DPF3: variants seen among roughly 807,000 people sequenced by gnomAD.
DPF3 encodes zinc finger protein DPF3.
In DPF3, 18 loss-of-function variants were observed where a neutral mutation model predicts 56.8. The ratio of observed to expected loss-of-function variants is 0.32; its 90% confidence interval spans 0.22 to 0.47. DPF3 has a LOEUF of 0.47. DPF3 is among the 20% of genes least tolerant of loss of function. The probability of loss-of-function intolerance (pLI) is 1.00; values close to 1 mark genes in which losing one functional copy is unlikely to be tolerated. For synonymous variants in DPF3, 188 were observed against 180.2 expected, an observed-to-expected ratio of 1.04 and a Z score of -0.35; for missense variants, 403 against 488.8, an observed-to-expected ratio of 0.82 and a Z score of 1.65.
chr14:72,621,344 C>T (rs1015347077), intron 9 of DPF3, among the ~76,000 whole-genome samples: 8 of 152,126 alleles, frequency 5.3e-5, no homozygotes, highest in African/African-American at 1.7e-4. Context: ...TGGCCCCACC[C>T]CCTAGTTTCA....
rs138351429 is a variant in DPF3, at chr14:72,724,195, C to T, written c.430-467G>A. On this transcript the variant is annotated intron_variant, in intron 4 of 10. Coordinates refer to ENST00000556509, the MANE Select transcript of DPF3 (RefSeq NM_001280542.3). ...CCTGTTCATCTGACCAGATTTAACA[C>T]GAATGTGCTGTTCATAATAAGCCAC... The T allele has an allele frequency of 6.2e-3, 942 of 153,058 alleles. 2 individuals carry two copies. Among genetic ancestry groups the T allele is most frequent in the Middle Eastern group, 0.024 (7 of 292 alleles). 9.5% of individuals were successfully genotyped at this position (153,058 alleles called of 1,614,324 possible). A position where few individuals can be genotyped will look rare whatever the true frequency, so the allele number is the denominator to read the frequency against.
chr14:72,843,858 T>TA (rs1487885054), intron 1 of DPF3, among the ~76,000 whole-genome samples: 1 of 152,250 alleles, frequency 6.6e-6, no homozygotes, highest in Admixed American at 6.5e-5. Context: ...TGCTAAGACT[T>TA]ACGCAGGTTT....
intron 9 of DPF3, among the ~76,000 whole-genome samples, chr14:72,624,333 C>CTTTTTTTTTTTTTT (rs55820708): frequency 1.5e-4 from 15 of 97,794 alleles, no homozygotes; most frequent in African/African-American, 4.6e-4. Context: ...ACCTATGTCT[C>CTTTTTTTTTTTTTT]TTTTTTTTTT....
chr14:72,793,985 G>C (rs1262661588), intron 1 of DPF3, among the ~76,000 whole-genome samples: 2 of 152,194 alleles, frequency 1.3e-5, no homozygotes, highest in Non-Finnish European at 2.9e-5. Context: ...CATTCATCCA[G>C]TCAGGCAACA....
intron 1 of DPF3, among the ~76,000 whole-genome samples, chr14:72,809,722 T>C (rs1425078709): frequency 6.6e-6 from 1 of 152,182 alleles, no homozygotes; most frequent in Non-Finnish European, 1.5e-5. Flanking sequence ...CAATCTCTTA[T>C]GATTCCATAG....
chr14:72,838,922 T>A (rs1439675827), intron 1 of DPF3, among the ~76,000 whole-genome samples: 15 of 73,052 alleles, frequency 2.1e-4, no homozygotes, highest in East Asian at 6.6e-4. Flanking sequence ...TTTTTTTTTT[T>A]TTTTTTTTTT....
chr14:72,629,365 C>T (rs1009859409), intron 9 of DPF3, among the ~76,000 whole-genome samples: 3 of 152,182 alleles, frequency 2.0e-5, no homozygotes, highest in Non-Finnish European at 2.9e-5. Context: ...AAATTTTGCA[C>T]TTATTATATT....
At chr14:72,774,653 C>A (rs1375114392) in intron 1 of DPF3, among the ~76,000 whole-genome samples, 2 of 152,024 alleles carry the variant, frequency 1.3e-5, no homozygotes, top group African/African-American at 4.8e-5. Flanking sequence ...AAAACAAAAA[C>A]CCTTTGCTCC....
At chr14:72,831,033 C>T (rs2215590) in intron 1 of DPF3, among the ~76,000 whole-genome samples, 39,337 of 152,094 alleles carry the variant, frequency 0.26, 5,334 homozygotes, top group East Asian at 0.45. Context: ...CCATGAACGT[C>T]CCCCATGTCA....
chr14:72,784,668 T>C (rs1489587919), intron 1 of DPF3, among the ~76,000 whole-genome samples: 2 of 152,092 alleles, frequency 1.3e-5, no homozygotes, highest in Non-Finnish European at 2.9e-5. Flanking sequence ...AATTCAAAAG[T>C]TGAAAATGGG....
intron 3 of DPF3, among the ~76,000 whole-genome samples, chr14:72,749,687 C>T (rs1436963557): frequency 1.3e-5 from 2 of 152,082 alleles, no homozygotes; most frequent in Non-Finnish European, 2.9e-5. Context: ...CTTTCCCATG[C>T]TGTTCTCATT....
rs75923200 is a variant in DPF3 at position 72,816,643 on chromosome 14, A to G, written c.33-44750T>C. 7.2e-3 allele frequency among the ~76,000 whole-genome samples: 1,061 copies of G among 148,336 alleles called. 11 individuals are homozygous for G. Among genetic ancestry groups the G allele is most frequent in the African/African-American group, 0.025 (1,016 of 40,126 alleles). The stretch of plus-strand genomic sequence containing the variant: ...TCCTGATACATCAGGCATAAATGGA[A>G]AAAAAAAAAAGGAAGTAGTATGTAA... On this transcript the variant is annotated intron_variant, in intron 1 of 10. Transcript: ENST00000556509.
chr14:72,634,557 T>C (rs1191603517), intron 8 of DPF3, among the ~76,000 whole-genome samples: 2 of 152,136 alleles, frequency 1.3e-5, no homozygotes, highest in African/African-American at 4.8e-5. Flanking sequence ...AAGAGGCACA[T>C]GGCTATAAGG....
intron 3 of DPF3, among the ~76,000 whole-genome samples, chr14:72,733,376 C>T (rs1447246322): frequency 6.6e-6 from 1 of 151,802 alleles, no homozygotes; most frequent in African/African-American, 2.4e-5. Flanking sequence ...AGGGATCTGA[C>T]AAGGTAGGTT....
rs545016324 is a variant in DPF3, at chr14:72,779,500, G to A, written c.33-7607C>T. ...CCTCTGCTGGGCTGGGGATGCACCCGGAAAAACTATGTATTGGGGTAAAGT... is the reference window on the plus strand; with the variant it reads ...CCTCTGCTGGGCTGGGGATGCACCCAGAAAAACTATGTATTGGGGTAAAGT... On this transcript the variant is annotated intron_variant, in intron 1 of 10. Transcript: ENST00000556509. 1.2e-4 allele frequency among the ~76,000 whole-genome samples: 18 copies of A among 152,296 alleles called. 1 individual carries two copies. Among genetic ancestry groups the A allele is most frequent in the Admixed American group, 5.9e-4 (9 of 15,298 alleles).
chr14:72,659,044 C>A (rs756075962), intron 8 of DPF3, among the ~76,000 whole-genome samples: 1 of 152,096 alleles, frequency 6.6e-6, no homozygotes, highest in Non-Finnish European at 1.5e-5. Context: ...CCACCTCCTG[C>A]AGGCTGCATC....
At chr14:72,817,112 C>CCG (rs1289499201) in intron 1 of DPF3, among the ~76,000 whole-genome samples, 1 of 152,142 alleles carries the variant, frequency 6.6e-6, no homozygotes, top group Non-Finnish European at 1.5e-5. Flanking sequence ...CTCACAGCCC[C>CCG]GGGGGGACAG....
chr14:72,842,413 A>ACAACCACAG (rs1884583323), intron 1 of DPF3, among the ~76,000 whole-genome samples: 2 of 152,244 alleles, frequency 1.3e-5, no homozygotes, highest in African/African-American at 4.8e-5. Context: ...TGAATGATCT[A>ACAACCACAG]CAACCACAGC....
chr14:72,836,227 T>A (rs1033160341), intron 1 of DPF3: 18 of 985,446 alleles, frequency 1.8e-5, no homozygotes, highest in East Asian at 1.1e-4. Flanking sequence ...GCAGATCATA[T>A]CACATCTCTA....
Sources: allele counts gnomAD v4.1 joint callset (sites outside exome capture counted in the v4.1 genomes callset), GRCh38; gene constraint gnomAD v4.1.1; transcripts MANE v1.5; gene names NCBI Gene and HGNC (gene_info 2026-07-23, HGNC 2026-07-21).